The following DNAH12 variants were observed in gnomAD, a reference collection of about 807,000 sequenced individuals.
DNAH12 encodes dynein axonemal heavy chain 12.
DNAH12 carries 285 observed loss-of-function variants against 371.5 expected under a neutral mutation model. That is an observed-to-expected ratio of 0.77 (90% CI 0.70 to 0.85). The LOEUF (loss-of-function observed/expected upper bound fraction) is 0.85, where lower values mean the gene tolerates loss of function less well. Ranked by LOEUF, DNAH12 falls within the 40% of genes least tolerant of loss-of-function variation. DNAH12 has a pLI of 0.00. For synonymous variants in DNAH12, 1,200 were observed against 1,213.0 expected (o/e 0.99, Z 0.22); for missense variants, 3,611 against 3,689.4 (o/e 0.98, Z 0.55).
At chr3:57,341,840 C>A (rs1427718036) in intron 60 of DNAH12, among the ~76,000 whole-genome samples, 1 of 149,580 alleles carries the variant, frequency 6.7e-6, no homozygotes, top group Non-Finnish European at 1.5e-5. Flanking sequence ...AATCTAGATG[C>A]ATCACAGTAC....
intron 17 of DNAH12, among the ~76,000 whole-genome samples, chr3:57,464,920 C>A (rs1047352561): frequency 1.3e-5 from 2 of 152,130 alleles, no homozygotes; most frequent in Admixed American, 6.5e-5. Flanking sequence ...AAATTAAACA[C>A]AAAATCTGAA....
In DNAH12 at chr3:57,507,658, T is replaced by G. The variant is rs2067811923; in HGVS notation, c.882A>C (p.Thr294=). Residue 294 remains threonine (T), a synonymous_variant, in exon 8 of 74, where the codon ACA becomes ACC. Transcript: ENST00000495027. ...KLDAFYSCVS[T]LMSNQLKDLL... ...GTGTATGTACCTGATTTGACATAAG[T>G]GTGGAAACACAGCTATAAAATGCAT... 2 of 1,602,826 alleles carry G rather than the reference T, an allele frequency of 1.2e-6. No individual in the cohort carries two copies. The highest frequency in any genetic ancestry group is 1.7e-6 in the Non-Finnish European group (2 of 1,178,168).
rs978892432 is a variant in DNAH12, at chr3:57,507,494, T to C, written c.897+149A>G. The C allele has an allele frequency of 1.9e-5, 12 of 628,274 alleles. No individual in the cohort carries two copies. In the East Asian group the frequency reaches 4.1e-4, roughly 22 times the overall value. The allele number at this position is 628,274 out of a possible 1,614,324, so 38.9% of individuals were successfully genotyped here. A position where few individuals can be genotyped will look rare whatever the true frequency, so the allele number is the denominator to read the frequency against. ...TTTAGATAGTTTCAGAAACACAATATTTTTCTGCTAAAATTATTAAAATAA... is the reference window on the plus strand; with the variant it reads ...TTTAGATAGTTTCAGAAACACAATACTTTTCTGCTAAAATTATTAAAATAA... On this transcript the variant is annotated intron_variant, in intron 8 of 73. Transcript: ENST00000495027.
intron 52 of DNAH12, among the ~76,000 whole-genome samples, chr3:57,378,258 G>A (rs1470958104): frequency 6.6e-6 from 1 of 151,918 alleles, no homozygotes; most frequent in Non-Finnish European, 1.5e-5. Context: ...TTTGTAGAAA[G>A]GATCCACAAG....
chr3:57,502,326 A>G lies in DNAH12; in HGVS notation c.1240T>C (p.Tyr414His), dbSNP rs763332447. ...ATATTATGTATGTCATACACACCATATGTCTCATAATGCTTTCTTGCACCT... is the reference window on the plus strand; with the variant it reads ...ATATTATGTATGTCATACACACCATGTGTCTCATAATGCTTTCTTGCACCT... ...LEGARKHYETYVEKYNWLLDG... is the reference protein window; with the variant it reads ...LEGARKHYETHVEKYNWLLDG... The change falls in exon 10 of 74, where the codon TAT becomes CAT. Residue 414 changes from tyrosine to histidine, a missense_variant. Tyr to His is a moderately conservative substitution (Grantham distance 83). This residue lies in a region of DNAH12 where 1,314 missense variants were observed against 1,398.7 expected (regional missense o/e 0.94). Coordinates refer to ENST00000495027, the MANE Select transcript of DNAH12 (RefSeq NM_001366028.2). 6 of 1,613,950 alleles carry G rather than the reference A, an allele frequency of 3.7e-6. No homozygotes were observed. The highest frequency in any genetic ancestry group is 1.7e-4 in the Middle Eastern group (1 of 6,060).
rs34135477 is a variant in DNAH12, at chr3:57,333,329, C to CTTTTTTTTT, written c.9978+1127_9978+1135dup. Among the ~76,000 whole-genome samples, 33 of 111,072 alleles carry CTTTTTTTTT rather than the reference C, an allele frequency of 3.0e-4. 5 individuals are homozygous for CTTTTTTTTT. Among genetic ancestry groups the CTTTTTTTTT allele is most frequent in the African/African-American group, 1.4e-3 (30 of 21,906 alleles). 72.9% of individuals were successfully genotyped at this position (111,072 alleles called of 152,430 possible). A position where few individuals can be genotyped will look rare whatever the true frequency, so the allele number is the denominator to read the frequency against. On this transcript the variant is annotated intron_variant, in intron 62 of 73. Coordinates refer to ENST00000495027, the MANE Select transcript of DNAH12 (RefSeq NM_001366028.2). ...CGGATACATGTTCTTTTTAAGGCAACTTTTTTTTTTTTTTTTTTTTAGATG... is the reference window on the plus strand; with the variant it reads ...CGGATACATGTTCTTTTTAAGGCAACTTTTTTTTTTTTTTTTTTTTTTTTTTTTTAGATG...
At chr3:57,459,874 T>C in intron 19 of DNAH12, 88 bp from the exon 20 acceptor site, 1 of 1,090,108 alleles carries the variant, frequency 9.2e-7, no homozygotes, top group Non-Finnish European at 1.2e-6. Flanking sequence ...AATTTACTAT[T>C]ATTTTTAAAT....
intron 70 of DNAH12, among the ~76,000 whole-genome samples, chr3:57,301,339 A>G (rs2061342591): frequency 6.6e-6 from 1 of 151,416 alleles, no homozygotes; most frequent in African/African-American, 2.4e-5. Flanking sequence ...CATCAGTATT[A>G]AAATCACAAG....
intron 25 of DNAH12, among the ~76,000 whole-genome samples, chr3:57,447,648 A>G (rs1047313209): frequency 6.6e-6 from 1 of 150,960 alleles, no homozygotes; most frequent in African/African-American, 2.4e-5. Flanking sequence ...GCTAGTGTAA[A>G]AAATGCAGTA....
At position 57,487,871 on chromosome 3, in the gene DNAH12, T is replaced by G. The variant is rs2066985080; in HGVS notation, c.1514+1638A>C. Among the ~76,000 whole-genome samples the G allele has an allele frequency of 1.7e-4, 3 of 17,176 alleles. No individual in the cohort carries two copies. The South Asian group carries it at 8.3e-3, about 48-fold the overall frequency. 11.3% of individuals were successfully genotyped at this position (17,176 alleles called of 152,430 possible). On this transcript the variant is annotated intron_variant, in intron 12 of 73. Transcript: ENST00000495027. The stretch of plus-strand genomic sequence containing the variant: ...TGTTAAACATAAACTTATAAAGTGT[T>G]TTTTTTTTGTTTTTTGTTTTTTGGT...
At chr3:57,343,872 CAT>C (rs2153316519) in intron 60 of DNAH12, among the ~76,000 whole-genome samples, 1 of 152,308 alleles carries the variant, frequency 6.6e-6, no homozygotes, top group South Asian at 2.1e-4. Context: ...TGGAGAAAAA[CAT>C]AAATCTGGCC....
At chr3:57,509,711 A>T (rs1318316112) in intron 5 of DNAH12, among the ~76,000 whole-genome samples, 2 of 151,814 alleles carry the variant, frequency 1.3e-5, no homozygotes, top group Non-Finnish European at 2.9e-5. Context: ...AAAATACAAA[A>T]ATTAGCTGGG....
chr3:57,415,789 CTTT>C (rs11326189), intron 37 of DNAH12, among the ~76,000 whole-genome samples: 15 of 119,360 alleles, frequency 1.3e-4, no homozygotes, highest in African/African-American at 1.7e-4. Context: ...ATTTTTTATT[CTTT>C]TTTTTTTTTT....
At chr3:57,448,611 A>G (rs1329890757) in intron 25 of DNAH12, among the ~76,000 whole-genome samples, 6 of 152,190 alleles carry the variant, frequency 3.9e-5, no homozygotes, top group Non-Finnish European at 8.8e-5. Flanking sequence ...ATAGAACCCG[A>G]CCATGTTGCC....
At chr3:57,490,928 A>G (rs1267359567) in intron 11 of DNAH12, among the ~76,000 whole-genome samples, 1 of 151,996 alleles carries the variant, frequency 6.6e-6, no homozygotes, top group South Asian at 2.1e-4. Flanking sequence ...GTCTCTACTA[A>G]AACTACAAAA....
chr3:57,434,462 A>T (rs1019964991), intron 30 of DNAH12, among the ~76,000 whole-genome samples: 3 of 152,166 alleles, frequency 2.0e-5, no homozygotes, highest in Admixed American at 6.5e-5. Context: ...CCTACTATAT[A>T]TAAATGAGAA....
At chr3:57,464,251 G>GCCA in intron 17 of DNAH12, among the ~76,000 whole-genome samples, 1 of 151,982 alleles carries the variant, frequency 6.6e-6, no homozygotes, top group Non-Finnish European at 1.5e-5. Flanking sequence ...CCCCAGCCCT[G>GCCA]GAAATGTTAC....
chr3:57,298,990 G>A (rs1324453885), intron 70 of DNAH12, among the ~76,000 whole-genome samples: 1 of 152,186 alleles, frequency 6.6e-6, no homozygotes, highest in Non-Finnish European at 1.5e-5. Flanking sequence ...CTTTGTCTCT[G>A]AGCAGGCAAT....
At chr3:57,403,965 A>G (rs1194529504) in intron 42 of DNAH12, among the ~76,000 whole-genome samples, 1 of 152,202 alleles carries the variant, frequency 6.6e-6, no homozygotes, top group Admixed American at 6.5e-5. Flanking sequence ...AACTTACAGT[A>G]TCTGCCAGTC....
Sources: allele counts gnomAD v4.1 joint callset (sites outside exome capture counted in the v4.1 genomes callset), GRCh38; gene constraint gnomAD v4.1.1; regional missense constraint gnomAD v4.1.1; transcripts MANE v1.5; gene names NCBI Gene and HGNC (gene_info 2026-07-23, HGNC 2026-07-21).